SLC6A18: variants seen among roughly 807,000 people sequenced by gnomAD.
SLC6A18 encodes the protein solute carrier family 6 member 18, also known as inactive sodium-dependent neutral amino acid transporter B(0)AT3.
Under a neutral mutation model 62.9 loss-of-function variants are expected in SLC6A18, and 58 were observed. That is an observed-to-expected ratio of 0.92 (90% CI 0.75 to 1.15). The LOEUF (loss-of-function observed/expected upper bound fraction) is 1.15, where lower values mean the gene tolerates loss of function less well. Among genes scored for constraint, SLC6A18 ranks in the 50% most tolerant of loss-of-function variants. The pLI, the probability that SLC6A18 is intolerant of heterozygous loss-of-function variation, is 0.00. For synonymous variants in SLC6A18, 382 were observed against 365.8 expected (o/e 1.04, Z -0.51); for missense variants, 793 against 836.6 (o/e 0.95, Z 0.64).
chr5:1,239,972 T>A (rs1009955620), intron 6 of SLC6A18, among the ~76,000 whole-genome samples: 1 of 152,266 alleles, frequency 6.6e-6, no homozygotes, highest in Non-Finnish European at 1.5e-5. Context: ...TGCACTGTGA[T>A]GAACCTGAAA....
chr5:1,235,104 C>A (rs1237331036), intron 3 of SLC6A18, among the ~76,000 whole-genome samples: 1 of 152,208 alleles, frequency 6.6e-6, no homozygotes, highest in Non-Finnish European at 1.5e-5. Context: ...GCCAGCCACA[C>A]ACTTGACACA....
At chr5:1,232,593 T>C (rs893543816) in intron 2 of SLC6A18, among the ~76,000 whole-genome samples, 158 bp from the exon 3 acceptor site, 11 of 152,206 alleles carry the variant, frequency 7.2e-5, no homozygotes, top group Non-Finnish European at 1.5e-5. Flanking sequence ...GAAGCTGGTG[T>C]TGCCATTCAC....
chr5:1,243,551 G>T lies in SLC6A18; in HGVS notation c.1132-4G>T. The T allele has an allele frequency of 6.2e-7, 1 of 1,612,916 alleles. No individual in the cohort carries two copies. On this transcript the variant is annotated splice_polypyrimidine_tract_variant and splice_region_variant and intron_variant, in intron 8 of 11. Coordinates refer to ENST00000324642, the MANE Select transcript of SLC6A18 (RefSeq NM_182632.3). This position sits in a 1 kb window ranked among gnomAD's most constrained non-coding sequence, Gnocchi z 6.5. ...CCTGAAGCCCGGGGCTCCGTGTATT[G>T]CAGAGTGCCTCGGGCCCGGGCCTGG...
At chr5:1,244,433 C>T in intron 10 of SLC6A18, 60 bp downstream of exon 10, 1 of 1,599,656 alleles carries the variant, frequency 6.3e-7, no homozygotes, top group Non-Finnish European at 8.5e-7. Context: ...CAGGGAATGG[C>T]TGCCGGGCAC....
chr5:1,240,492 C>T (rs890838998), intron 6 of SLC6A18, 39 bp from the exon 7 acceptor site: 5 of 1,611,234 alleles, frequency 3.1e-6, no homozygotes, highest in Non-Finnish European at 4.2e-6. Flanking sequence ...GCCCAGTTAC[C>T]TCCTGCAAAG....
At chr5:1,229,387 G>C (rs745993094) in intron 1 of SLC6A18, among the ~76,000 whole-genome samples, 2 of 152,140 alleles carry the variant, frequency 1.3e-5, no homozygotes, top group Non-Finnish European at 2.9e-5. Context: ...ATCAGTCACA[G>C]AGAGCTCACT....
At chr5:1,244,805 C>T (rs1041495000) in intron 11 of SLC6A18, 38 bp downstream of exon 11, 3 of 1,569,452 alleles carry the variant, frequency 1.9e-6, no homozygotes, top group Non-Finnish European at 1.7e-6. Flanking sequence ...AGTCCTGGGA[C>T]CCCTCGGGCT....
intron 5 of SLC6A18, 100 bp from the exon 6 acceptor site, chr5:1,239,350 A>G (rs374842182): frequency 2.4e-6 from 2 of 825,458 alleles, no homozygotes; most frequent in East Asian, 2.4e-5. Flanking sequence ...CTTGCTCACG[A>G]GTGTCCCCAA....
chr5:1,231,112 G>C (rs1034982530), intron 1 of SLC6A18, among the ~76,000 whole-genome samples: 3 of 152,220 alleles, frequency 2.0e-5, no homozygotes, highest in African/African-American at 4.8e-5. Context: ...ATCATGCCCA[G>C]CTCTGCCGCT....
At chr5:1,226,108 C>G (rs1237204195) in intron 1 of SLC6A18, among the ~76,000 whole-genome samples, 1 of 152,226 alleles carries the variant, frequency 6.6e-6, no homozygotes, top group African/African-American at 2.4e-5. Flanking sequence ...TGGGGGCCCA[C>G]CCCTCGCCTC....
intron 3 of SLC6A18, among the ~76,000 whole-genome samples, chr5:1,233,545 G>A (rs1746793784): frequency 6.6e-6 from 1 of 151,662 alleles, no homozygotes; most frequent in South Asian, 2.1e-4. Flanking sequence ...AGCTCCATCT[G>A]GGGAGATCCT....
rs1382320061 is a variant in SLC6A18 at position 1,246,002 on chromosome 5, G to C, written c.1811G>C (p.Arg604Pro). Residue 604 changes from arginine to proline, a missense_variant, in exon 12 of 12, where the codon CGC (arginine) becomes CCC (proline). Physicochemically the swap from Arg to Pro is moderately radical, Grantham distance 103. Transcript: ENST00000324642. ...RRRTWRDRDA[R>P]PDTDMRPDTD... ...CGGACGTGGAGGGACAGGGACGCGC[G>C]CCCAGACACGGACATGCGCCCGGAC... 4.4e-6 allele frequency: 7 copies of C among 1,595,878 alleles called. No individual in the cohort carries two copies. The highest frequency in any genetic ancestry group is 5.9e-6 in the Non-Finnish European group (7 of 1,176,836).
rs185909685 is a variant in SLC6A18, at chr5:1,239,872, C to T, written c.845+310C>T. Among the ~76,000 whole-genome samples, 35 of 152,320 alleles carry T rather than the reference C, an allele frequency of 2.3e-4. No homozygotes were observed. The East Asian group carries it at 5.2e-3, about 23-fold the overall frequency. ...AAATAGACTCAAGGCCCGTTGGTGC[C>T]GACATGAGCAGGTGCTGCTTTTATG... is the stretch of plus-strand genomic sequence containing the variant. On this transcript the variant is annotated intron_variant, in intron 6 of 11. Coordinates refer to ENST00000324642, the MANE Select transcript of SLC6A18 (RefSeq NM_182632.3).
At chr5:1,235,767 C>A in intron 4 of SLC6A18, 105 bp downstream of exon 4, 1 of 1,150,482 alleles carries the variant, frequency 8.7e-7, no homozygotes. Flanking sequence ...TTGCGAGGGG[C>A]ATAAACATCT....
Position 1,245,816 on chromosome 5 carries a change from C to A in SLC6A18, c.1657-32C>A, listed in dbSNP as rs367771456. ...GGTCAGCCTCACGGCCCAGGGTGGC[C>A]GGCGCCAGCTAATGAGGCTGTGGTC... On this transcript the variant is annotated intron_variant, in intron 11 of 11. Coordinates refer to ENST00000324642, the MANE Select transcript of SLC6A18 (RefSeq NM_182632.3). The A allele has an allele frequency of 6.2e-5, 98 of 1,578,784 alleles. No individual in the cohort carries two copies. The African/African-American group carries it at 1.2e-3, about 20-fold the overall frequency.
At chr5:1,235,299 C>T (rs937418891) in intron 3 of SLC6A18, among the ~76,000 whole-genome samples, 182 bp from the exon 4 acceptor site, 1 of 152,214 alleles carries the variant, frequency 6.6e-6, no homozygotes, top group African/African-American at 2.4e-5. Flanking sequence ...GTTCACTCAG[C>T]CTGTTCATTT....
chr5:1,237,504 G>T (rs1274988682), intron 4 of SLC6A18, among the ~76,000 whole-genome samples: 1 of 152,148 alleles, frequency 6.6e-6, no homozygotes, highest in Non-Finnish European at 1.5e-5. Flanking sequence ...GAGAACTCGA[G>T]AGTGGACAGG....
At chr5:1,227,631 T>TC (rs1746617129) in intron 1 of SLC6A18, among the ~76,000 whole-genome samples, 1 of 152,214 alleles carries the variant, frequency 6.6e-6, no homozygotes, top group Admixed American at 6.5e-5. Flanking sequence ...TATTATTTGC[T>TC]CTCCCATTCA....
At chr5:1,225,972 G>A (rs1324908875) in intron 1 of SLC6A18, among the ~76,000 whole-genome samples, 8 of 152,362 alleles carry the variant, frequency 5.3e-5, no homozygotes, top group South Asian at 4.1e-4. Context: ...AACAGTGAGC[G>A]CTCTTCCATC....
Sources: gnomAD v4.1 joint callset for allele counts (sites outside exome capture counted in the v4.1 genomes callset) on GRCh38, gnomAD v4.1.1 for gene constraint, Gnocchi (gnomAD v3.1) non-coding constraint, MANE v1.5 for transcripts, NCBI Gene and HGNC (gene_info 2026-07-23, HGNC 2026-07-21) for gene names.